Variants in ADGRG1 observed in about 807,000 individuals in gnomAD.
ADGRG1 encodes 7-transmembrane protein with no EGF-like N-terminal domains-1.
A neutral mutation model predicts 73.5 loss-of-function variants in ADGRG1; 53 were observed. The ratio of observed to expected loss-of-function variants is 0.72; its 90% CI spans 0.58 to 0.91. The LOEUF is 0.91. Ranked by LOEUF, ADGRG1 falls within the 40% of genes least tolerant of loss-of-function variation. ADGRG1 has a pLI of 0.00. For synonymous variants in ADGRG1, 394 were observed against 374.4 expected (o/e 1.05, Z -0.60); for missense variants, 795 against 871.8 (o/e 0.91, Z 1.11).
At chr16:57,648,477 G>T in intron 1 of ADGRG1, 2 of 977,488 alleles carry the variant, frequency 2.0e-6, no homozygotes, top group Non-Finnish European at 2.4e-6. Context: ...GAGAAATTGG[G>T]GTTCCATTCC....
At chr16:57,635,846 C>T in intron 1 of ADGRG1, 3 of 985,112 alleles carry the variant, frequency 3.0e-6, no homozygotes, top group Non-Finnish European at 3.6e-6. Flanking sequence ...GCTCCGTGTC[C>T]CTGTGTCCCT....
chr16:57,634,416 A>G (rs1396134665), intron 1 of ADGRG1: 20 of 985,434 alleles, frequency 2.0e-5, no homozygotes, highest in Non-Finnish European at 2.4e-5. Context: ...GCACGGGCCA[A>G]ACAGTTCAGG....
At position 57,657,736 on chromosome 16, in the gene ADGRG1, T is replaced by A. The variant is rs528556228; in HGVS notation, c.1286+245T>A. ...CATTGTATTTATTTATTTTTATTTTTATTTTATTATTATTATTTTTTTGAG... is the reference window on the plus strand; with the variant it reads ...CATTGTATTTATTTATTTTTATTTTAATTTTATTATTATTATTTTTTTGAG... On this transcript the variant is annotated intron_variant, in intron 10 of 13. Transcript: ENST00000562631. Among the ~76,000 whole-genome samples the A allele has an allele frequency of 2.0e-3, 311 of 152,090 alleles. 1 individual carries two copies. Among genetic ancestry groups the A allele is most frequent in the South Asian group, 2.5e-3 (12 of 4,826 alleles).
intron 11 of ADGRG1, chr16:57,660,274 CCTT>C (rs1230975396): frequency 1.0e-6 from 1 of 985,216 alleles, no homozygotes; most frequent in Admixed American, 6.1e-5. Context: ...TCATTGGGCC[CCTT>C]CTTTGTCCAT....
upstream of ADGRG1, chr16:57,626,647 A>G: frequency 9.1e-6 from 9 of 985,332 alleles, no homozygotes; most frequent in Non-Finnish European, 1.1e-5. Context: ...CTCTTCAGCC[A>G]TCTGCAGAGA....
upstream of ADGRG1, chr16:57,626,610 G>T (rs1159055004): frequency 2.0e-6 from 2 of 985,334 alleles, no homozygotes; most frequent in Non-Finnish European, 1.2e-6. Context: ...TCTCCTATGT[G>T]GCCAGAGTGG....
Position 57,659,409 on chromosome 16 carries a change from G to C in ADGRG1, c.1287-4G>C. 1 of 1,613,702 alleles carries C rather than the reference G, an allele frequency of 6.2e-7. No individual in the cohort carries two copies. The highest frequency in any genetic ancestry group is 8.5e-7 in the Non-Finnish European group (1 of 1,179,996). On this transcript the variant is annotated splice_polypyrimidine_tract_variant and splice_region_variant and intron_variant, in intron 10 of 13. Coordinates refer to ENST00000562631, the MANE Select transcript of ADGRG1 (RefSeq NM_201525.4). ...TGGCCCACCAGGGTGCCCCTGCCGT[G>C]CAGGAGGAAACCTCGGGACTACACC...
At chr16:57,635,912 G>A (rs1207776991) in intron 1 of ADGRG1, 9 of 985,248 alleles carry the variant, frequency 9.1e-6, no homozygotes, top group Non-Finnish European at 1.1e-5. Context: ...AAGCATGGGA[G>A]GCCAAGTGCA....
At chr16:57,622,927 G>A (rs947484081), upstream of ADGRG1, 11 of 985,352 alleles carry the variant, frequency 1.1e-5, no homozygotes, top group Non-Finnish European at 1.2e-5. Context: ...CGGCAGGGCA[G>A]GGACAGGGTG....
At chr16:57,662,775 C>CATT (rs2047536895) in intron 13 of ADGRG1, 1 of 186,572 alleles carries the variant, frequency 5.4e-6, no homozygotes, top group African/African-American at 2.4e-5. Context: ...TGTGCATGTA[C>CATT]CTGTGTGTGT....
At chr16:57,640,473 T>C (rs1379102721) in intron 1 of ADGRG1, among the ~76,000 whole-genome samples, 3 of 152,208 alleles carry the variant, frequency 2.0e-5, no homozygotes, top group Admixed American at 2.0e-4. Context: ...TGCGTGAACA[T>C]GTGTAAAAAG....
chr16:57,621,103 T>A (rs2034709887), intron 1 of ADGRG1: 1 of 152,056 alleles, frequency 6.6e-6, no homozygotes, highest in South Asian at 2.1e-4. Context: ...CCAACTTGGC[T>A]CCCTGGGGCG....
intron 10 of ADGRG1, 75 bp downstream of exon 10, chr16:57,657,566 C>G (rs1327842543): frequency 1.8e-6 from 2 of 1,139,686 alleles, no homozygotes; most frequent in Non-Finnish European, 2.6e-6. Flanking sequence ...CCGCACACAT[C>G]TCCGGTCATG....
rs529999666 is a variant in ADGRG1, at chr16:57,630,876, AG to A, written c.-36+2075del. Reference sequence around the variant, plus strand: ...AGGAAAACATTTGGGGAACGATACAAGCTGGGGACCACGGGGAGGGTGATAC... The same window carrying A: ...AGGAAAACATTTGGGGAACGATACAACTGGGGACCACGGGGAGGGTGATAC... On this transcript the variant is annotated intron_variant, in intron 1 of 13. Coordinates refer to ENST00000562631, the MANE Select transcript of ADGRG1 (RefSeq NM_201525.4). The A allele has an allele frequency of 3.2e-5, 27 of 836,806 alleles. No homozygotes were observed. The South Asian group carries it at 1.4e-3, about 44-fold the overall frequency. 51.8% of individuals were successfully genotyped at this position (836,806 alleles called of 1,614,324 possible).
At chr16:57,626,675 C>T (rs553782709), upstream of ADGRG1, 3 of 985,466 alleles carry the variant, frequency 3.0e-6, no homozygotes, top group East Asian at 1.1e-4. Flanking sequence ...GCCTTCAACT[C>T]TCCATCTGTG....
intron 13 of ADGRG1, chr16:57,663,235 C>A: frequency 1.2e-6 from 1 of 826,458 alleles, no homozygotes; most frequent in Non-Finnish European, 1.5e-6. Context: ...ATAGGATGGG[C>A]CTAGGAAGTT....
chr16:57,659,717 T>C lies in ADGRG1; in HGVS notation c.1555+36T>C, dbSNP rs768506074. Reference sequence around the variant, plus strand: ...GGGCGGGGGGTGCCTCAGACCTGCCTCTCCCACTTGGCTCTGGCAAAACCC... The same window carrying C: ...GGGCGGGGGGTGCCTCAGACCTGCCCCTCCCACTTGGCTCTGGCAAAACCC... On this transcript the variant is annotated intron_variant, in intron 11 of 13. Transcript: ENST00000562631. The C allele has an allele frequency of 5.6e-6, 9 of 1,610,856 alleles. No homozygotes were observed. The Admixed American group carries it at 1.5e-4, about 27-fold the overall frequency.
chr16:57,651,021 T>C lies in ADGRG1; in HGVS notation c.65-179T>C, dbSNP rs2043950944. 2.6e-6 allele frequency: 4 copies of C among 1,522,038 alleles called. No homozygotes were observed. In the South Asian group the frequency reaches 4.8e-5, roughly 18 times the overall value. The allele number at this position is 1,522,038 out of a possible 1,614,324, so 94.3% of individuals were successfully genotyped here. Reference sequence around the variant, plus strand: ...CCGCGCCCGGCCTCAGTTTCCTCTTTTTATAGTTTGATGCTGATAAGTTTT... The same window carrying C: ...CCGCGCCCGGCCTCAGTTTCCTCTTCTTATAGTTTGATGCTGATAAGTTTT... On this transcript the variant is annotated intron_variant, in intron 2 of 13. Coordinates refer to ENST00000562631, the MANE Select transcript of ADGRG1 (RefSeq NM_201525.4).
intron 1 of ADGRG1, among the ~76,000 whole-genome samples, chr16:57,649,769 C>G (rs2043568673): frequency 1.3e-5 from 2 of 151,630 alleles, no homozygotes; most frequent in South Asian, 4.2e-4. Flanking sequence ...GGACTCTGGA[C>G]AGCCACTCCC....
Sources: gnomAD v4.1 joint callset for allele counts (sites outside exome capture counted in the v4.1 genomes callset) on GRCh38, gnomAD v4.1.1 for gene constraint, MANE v1.5 for transcripts, NCBI Gene and HGNC (gene_info 2026-07-23, HGNC 2026-07-21) for gene names.